The following ARHGAP24 variants were observed in gnomAD, a reference collection of about 807,000 sequenced individuals.
The protein encoded by ARHGAP24 is rho GTPase-activating protein 24.
ARHGAP24 carries 50 observed loss-of-function variants against 76.4 expected under a neutral mutation model. The observed-to-expected ratio is 0.65, with a 90% CI of 0.52 to 0.83. The LOEUF is 0.83. Among genes scored for constraint, ARHGAP24 ranks in the 40% least tolerant of loss-of-function variants. The pLI, the probability that ARHGAP24 is intolerant of heterozygous loss-of-function variation, is 0.00. For synonymous variants in ARHGAP24, 345 were observed against 323.3 expected (o/e 1.07, Z -0.72); for missense variants, 930 against 914.2 (o/e 1.02, Z -0.22).
At chr4:85,973,855 T>G (rs1739152536) in intron 6 of ARHGAP24, among the ~76,000 whole-genome samples, 1 of 140,468 alleles carries the variant, frequency 7.1e-6, no homozygotes, top group African/African-American at 2.8e-5. Flanking sequence ...TTTTTTTTTT[T>G]TTTTTGAGAC....
chr4:85,769,430 G>T (rs904031719), intron 3 of ARHGAP24, among the ~76,000 whole-genome samples: 4 of 152,062 alleles, frequency 2.6e-5, no homozygotes, highest in African/African-American at 9.7e-5. Flanking sequence ...TTGCTTGTTT[G>T]CTTGTTTTTA....
intron 3 of ARHGAP24, among the ~76,000 whole-genome samples, chr4:85,880,519 TTGTGTGTGTGTG>T (rs58530817): frequency 4.0e-5 from 6 of 150,726 alleles, no homozygotes; most frequent in East Asian, 3.9e-4. Flanking sequence ...TGCATAACTT[TTGTGTGTGTGTG>T]TGTGTGTGTG....
At chr4:85,626,951 A>G (rs1041047467) in intron 2 of ARHGAP24, among the ~76,000 whole-genome samples, 1 of 151,958 alleles carries the variant, frequency 6.6e-6, no homozygotes, top group Non-Finnish European at 1.5e-5. Flanking sequence ...ACTTCTCTGC[A>G]TTGGTTATTC....
chr4:85,626,802 T>A (rs1239116447), intron 2 of ARHGAP24, among the ~76,000 whole-genome samples: 1 of 152,156 alleles, frequency 6.6e-6, no homozygotes, highest in Non-Finnish European at 1.5e-5. Context: ...TCTAAACTTC[T>A]CTTCTCACTT....
intron 1 of ARHGAP24, among the ~76,000 whole-genome samples, chr4:85,541,523 A>G (rs1339037520): frequency 6.6e-6 from 1 of 152,112 alleles, no homozygotes; most frequent in African/African-American, 2.4e-5. Flanking sequence ...ACAACAATAT[A>G]TATTTTTTTG....
intron 2 of ARHGAP24, among the ~76,000 whole-genome samples, chr4:85,577,255 T>G (rs1047407214): frequency 2.7e-5 from 4 of 150,230 alleles, no homozygotes; most frequent in Admixed American, 6.6e-5. Context: ...ATATAATAGA[T>G]CCCTCAAAAT....
At chr4:85,890,353 C>T (rs150758845) in intron 3 of ARHGAP24, among the ~76,000 whole-genome samples, 1 of 152,142 alleles carries the variant, frequency 6.6e-6, no homozygotes, top group Non-Finnish European at 1.5e-5. Context: ...CCTATTGTGG[C>T]AGAATTTTTG....
intron 5 of ARHGAP24, among the ~76,000 whole-genome samples, chr4:85,968,092 T>A (rs559693912): frequency 1.3e-5 from 2 of 152,234 alleles, no homozygotes; most frequent in Admixed American, 6.6e-5. Flanking sequence ...CTGAGTTAGG[T>A]TGCAGTTAGG....
chr4:85,573,956 T>C (rs1451555127), intron 2 of ARHGAP24, among the ~76,000 whole-genome samples: 2 of 152,238 alleles, frequency 1.3e-5, no homozygotes, highest in Non-Finnish European at 2.9e-5. Flanking sequence ...AACGTAAGAA[T>C]GTCCATGGTC....
intron 2 of ARHGAP24, among the ~76,000 whole-genome samples, chr4:85,642,751 C>T (rs62317217): frequency 6.6e-6 from 1 of 152,184 alleles, no homozygotes; most frequent in East Asian, 1.9e-4. Context: ...TATTTCCCTG[C>T]TTCTGTTCTT....
At chr4:85,769,866 C>A (rs1016779860) in intron 3 of ARHGAP24, among the ~76,000 whole-genome samples, 1 of 152,044 alleles carries the variant, frequency 6.6e-6, no homozygotes, top group African/African-American at 2.4e-5. Context: ...GGATTACAGG[C>A]ATGAGCCACC....
At chr4:85,778,111 T>G (rs1727376741) in intron 3 of ARHGAP24, among the ~76,000 whole-genome samples, 1 of 152,174 alleles carries the variant, frequency 6.6e-6, no homozygotes, top group South Asian at 2.1e-4. Context: ...CACAGCACCA[T>G]GCCTTACTGA....
intron 3 of ARHGAP24, among the ~76,000 whole-genome samples, chr4:85,878,600 T>TTA (rs1011266445): frequency 5.3e-5 from 8 of 152,048 alleles, no homozygotes; most frequent in African/African-American, 1.4e-4. Flanking sequence ...TGACATTAAA[T>TTA]TATATATATA....
intron 3 of ARHGAP24, among the ~76,000 whole-genome samples, chr4:85,913,403 CA>C (rs796424616): frequency 5.3e-5 from 8 of 151,918 alleles, no homozygotes; most frequent in African/African-American, 7.2e-5. Flanking sequence ...ACACACTTTT[CA>C]TCTTATTTGA....
chr4:85,658,327 T>C (rs1160292677), intron 2 of ARHGAP24, among the ~76,000 whole-genome samples: 2 of 152,216 alleles, frequency 1.3e-5, no homozygotes, highest in Non-Finnish European at 2.9e-5. Flanking sequence ...TTTGGAAATT[T>C]ATTACTTTAG....
At chr4:85,839,371 A>G (rs1034754578) in intron 3 of ARHGAP24, among the ~76,000 whole-genome samples, 1 of 152,234 alleles carries the variant, frequency 6.6e-6, no homozygotes, top group African/African-American at 2.4e-5. Flanking sequence ...TGAATTCTTA[A>G]TAACTGTTTA....
At chr4:85,744,363 A>T (rs1725946412) in intron 3 of ARHGAP24, among the ~76,000 whole-genome samples, 1 of 152,178 alleles carries the variant, frequency 6.6e-6, no homozygotes, top group Admixed American at 6.5e-5. Context: ...TGAATCTATG[A>T]ATTTTTAGGA....
intron 1 of ARHGAP24, among the ~76,000 whole-genome samples, chr4:85,544,627 T>C (rs1725832187): frequency 6.6e-6 from 1 of 152,152 alleles, no homozygotes; most frequent in Non-Finnish European, 1.5e-5. Flanking sequence ...TTAAGGGTTT[T>C]TTCAGGAGTA....
chr4:85,644,230 G>C (rs979409574), intron 2 of ARHGAP24, among the ~76,000 whole-genome samples: 10 of 152,286 alleles, frequency 6.6e-5, no homozygotes, highest in Middle Eastern at 3.4e-3. Flanking sequence ...GCTTAGAACA[G>C]AGCTTGGCAC....
Sources: gnomAD v4.1 joint callset for allele counts (sites outside exome capture counted in the v4.1 genomes callset) on GRCh38, gnomAD v4.1.1 for gene constraint, MANE v1.5 for transcripts, NCBI Gene and HGNC (gene_info 2026-07-23, HGNC 2026-07-21) for gene names.